ARHGAP6: variants seen among roughly 807,000 people sequenced by gnomAD.
ARHGAP6 encodes the protein Rho GTPase activating protein 6, also known as rho GTPase-activating protein 6.
In ARHGAP6, 16 loss-of-function variants were observed where a neutral mutation model predicts 55.7. The observed-to-expected ratio is 0.29, with a 90% confidence interval of 0.19 to 0.44. The LOEUF (loss-of-function observed/expected upper bound fraction) is 0.44, where lower values mean the gene tolerates loss of function less well. Among genes scored for constraint, ARHGAP6 ranks in the 20% least tolerant of loss-of-function variants. ARHGAP6 has a pLI of 1.00. For synonymous variants in ARHGAP6, 382 were observed against 360.9 expected, an observed-to-expected ratio of 1.06 and a Z score of -0.66; for missense variants, 698 against 808.9, an observed-to-expected ratio of 0.86 and a Z score of 1.66.
intron 1 of ARHGAP6, among the ~76,000 whole-genome samples, chrX:11,361,788 G>T (rs1173891060): frequency 9.0e-6 from 1 of 110,848 alleles, no homozygotes; most frequent in Non-Finnish European, 1.9e-5. Flanking sequence ...AATCTACAAT[G>T]AACACAAACA....
intron 1 of ARHGAP6, among the ~76,000 whole-genome samples, chrX:11,355,395 A>G (rs1034555706): frequency 5.3e-5 from 6 of 112,351 alleles, no homozygotes; most frequent in Admixed American, 9.4e-5. Flanking sequence ...TTTGAAATCC[A>G]TGAAAGAAAC....
chrX:11,281,498 T>A (rs1462214562), intron 1 of ARHGAP6, among the ~76,000 whole-genome samples: 2 of 110,912 alleles, frequency 1.8e-5, no homozygotes, highest in African/African-American at 6.5e-5. Flanking sequence ...AAAACCTAAG[T>A]GTCCATCAGT....
chrX:11,173,416 C>T (rs1157370636), intron 8 of ARHGAP6, among the ~76,000 whole-genome samples: 1 of 111,930 alleles, frequency 8.9e-6, no homozygotes, highest in South Asian at 3.7e-4. Context: ...CGGACTCTCA[C>T]CAAACAAGTG....
intron 1 of ARHGAP6, among the ~76,000 whole-genome samples, chrX:11,486,402 A>T (rs776471015): frequency 8.9e-6 from 1 of 112,546 alleles, no homozygotes; most frequent in Non-Finnish European, 1.9e-5. Flanking sequence ...TTCGATGGAT[A>T]ATCTCTGAGT....
intron 1 of ARHGAP6, among the ~76,000 whole-genome samples, chrX:11,547,225 C>A (rs2051220550): frequency 8.9e-6 from 1 of 112,338 alleles, no homozygotes; most frequent in Non-Finnish European, 1.9e-5. Flanking sequence ...TTGTGGCAAG[C>A]TCATCTTCCA....
At chrX:11,392,412 C>A (rs2049418072) in intron 1 of ARHGAP6, among the ~76,000 whole-genome samples, 1 of 111,403 alleles carries the variant, frequency 9.0e-6, no homozygotes, top group African/African-American at 3.3e-5. Context: ...TAATCAATAA[C>A]AATAAATGGC....
At position 11,254,716 on chromosome X, in the gene ARHGAP6, C is replaced by CAAAA. The variant is rs751080433; in HGVS notation, c.589-13_589-10dup. The CAAAA allele has an allele frequency of 2.8e-5, 24 of 868,899 alleles. No individual in the cohort carries two copies. The African/African-American group carries it at 2.8e-4, about 10-fold the overall frequency. 71.6% of individuals were successfully genotyped at this position (868,899 alleles called of 1,213,427 possible). A position where few individuals can be genotyped will look rare whatever the true frequency, so the allele number is the denominator to read the frequency against. On this transcript the variant is annotated splice_polypyrimidine_tract_variant and intron_variant, in intron 1 of 12. Transcript: ENST00000337414. ...TTCCAGGTGAAATCACCCTGTAGGCCAAAAAAAAAAAAAAAAAAAAAATCA... is the reference window on the plus strand; with the variant it reads ...TTCCAGGTGAAATCACCCTGTAGGCCAAAAAAAAAAAAAAAAAAAAAAAAAATCA...
intron 1 of ARHGAP6, chrX:11,427,577 G>T: frequency 1.1e-6 from 1 of 909,797 alleles, no homozygotes; most frequent in Non-Finnish European, 1.4e-6. Context: ...TTCTCGCCGC[G>T]GTACACCGGG....
intron 1 of ARHGAP6, among the ~76,000 whole-genome samples, chrX:11,428,007 C>T (rs1016635241): frequency 1.8e-5 from 2 of 112,611 alleles, no homozygotes; most frequent in African/African-American, 6.4e-5. Flanking sequence ...GGCCGGCACG[C>T]CTGCCTCCTG....
chrX:11,616,336 T>G (rs888668268), intron 1 of ARHGAP6, among the ~76,000 whole-genome samples: 2 of 110,597 alleles, frequency 1.8e-5, no homozygotes, highest in African/African-American at 6.6e-5. Context: ...TTCTTTTTCT[T>G]TTTTTCTTGA....
chrX:11,430,267 G>GC (rs962767338), intron 1 of ARHGAP6, among the ~76,000 whole-genome samples: 5 of 112,278 alleles, frequency 4.5e-5, no homozygotes, highest in African/African-American at 1.6e-4. Flanking sequence ...TACTCCATCA[G>GC]CCCCACACTG....
At chrX:11,251,422 C>T (rs952339746) in intron 2 of ARHGAP6, among the ~76,000 whole-genome samples, 14 of 111,773 alleles carry the variant, frequency 1.3e-4, no homozygotes, top group African/African-American at 4.6e-4. Context: ...TTTCCCAACT[C>T]CCCCATCCTC....
At chrX:11,522,255 T>C (rs1443019454) in intron 1 of ARHGAP6, among the ~76,000 whole-genome samples, 1 of 111,159 alleles carries the variant, frequency 9.0e-6, no homozygotes, top group East Asian at 2.8e-4. Flanking sequence ...GGGAAATTTA[T>C]AGCACTAAAT....
chrX:11,580,540 AG>A (rs1165491889), intron 1 of ARHGAP6, among the ~76,000 whole-genome samples: 3 of 112,501 alleles, frequency 2.7e-5, no homozygotes, highest in Non-Finnish European at 5.6e-5. Context: ...ATAATAAATA[AG>A]TACTAGAAAG....
intron 1 of ARHGAP6, chrX:11,298,910 C>T (rs150631365): frequency 4.1e-6 from 5 of 1,209,178 alleles, no homozygotes; most frequent in South Asian, 1.8e-5. Flanking sequence ...CCCTGCCTCC[C>T]ATGCTTCCTG....
chrX:11,199,680 A>G (rs778706903), intron 2 of ARHGAP6, among the ~76,000 whole-genome samples: 1 of 112,632 alleles, frequency 8.9e-6, no homozygotes, highest in East Asian at 2.8e-4. Context: ...AACTCCAGAC[A>G]ACATCTTGAA....
At chrX:11,190,358 G>A (rs2046437836) in intron 3 of ARHGAP6, among the ~76,000 whole-genome samples, 1 of 109,356 alleles carries the variant, frequency 9.1e-6, no homozygotes, top group Admixed American at 9.8e-5. Context: ...AGACAGTGTA[G>A]TGAGGTGTAA....
At chrX:11,161,122 G>A (rs913626001) in intron 9 of ARHGAP6, among the ~76,000 whole-genome samples, 2 of 112,084 alleles carry the variant, frequency 1.8e-5, no homozygotes, top group African/African-American at 6.5e-5. Context: ...AATTTGAAAT[G>A]ATGCCTGAAA....
At chrX:11,274,146 G>T (rs1224090150) in intron 1 of ARHGAP6, among the ~76,000 whole-genome samples, 1 of 111,142 alleles carries the variant, frequency 9.0e-6, no homozygotes, top group Non-Finnish European at 1.9e-5. Flanking sequence ...AACTGTATGA[G>T]GTGGTTCTAG....
Sources: allele counts gnomAD v4.1 joint callset (sites outside exome capture counted in the v4.1 genomes callset), GRCh38; gene constraint gnomAD v4.1.1; transcripts MANE v1.5; gene names NCBI Gene and HGNC (gene_info 2026-07-23, HGNC 2026-07-21).